Variants in MYCBP2 observed in about 807,000 individuals in gnomAD.
The protein encoded by MYCBP2 is E3 ubiquitin-protein ligase MYCBP2.
In MYCBP2, 120 loss-of-function variants were observed where a neutral mutation model predicts 525.3. That is an observed-to-expected ratio of 0.23 (90% CI 0.20 to 0.27). MYCBP2 has a LOEUF of 0.27. Ranked by LOEUF, MYCBP2 falls within the 10% of genes least tolerant of loss-of-function variation. The pLI, the probability that MYCBP2 is intolerant of heterozygous loss-of-function variation, is 1.00. For synonymous variants in MYCBP2, 1,894 were observed against 1,955.8 expected (o/e 0.97, Z 0.83); for missense variants, 4,149 against 5,657.1 (o/e 0.73, Z 8.55).
chr13:77,317,867 G>C (rs2154380498), intron 1 of MYCBP2, among the ~76,000 whole-genome samples: 1 of 152,228 alleles, frequency 6.6e-6, no homozygotes, highest in East Asian at 1.9e-4. Context: ...AACCCGGGAG[G>C]CGGAGGTTGC....
chr13:77,311,540 G>A (rs1050477283), intron 1 of MYCBP2, among the ~76,000 whole-genome samples: 3 of 151,094 alleles, frequency 2.0e-5, no homozygotes, highest in East Asian at 1.9e-4. Flanking sequence ...AGAGGTTCTC[G>A]GCAGGGAAAG....
chr13:77,231,628 C>T (rs150901012), intron 18 of MYCBP2, among the ~76,000 whole-genome samples: 5 of 152,190 alleles, frequency 3.3e-5, no homozygotes, highest in Admixed American at 2.6e-4. Context: ...TTTCATTTAA[C>T]GTTTCATTTA....
intron 49 of MYCBP2, among the ~76,000 whole-genome samples, chr13:77,142,643 A>G (rs1052838101): frequency 1.3e-5 from 2 of 152,244 alleles, no homozygotes; most frequent in African/African-American, 4.8e-5. Context: ...ACATAGTCAG[A>G]CAAGTTTCTT....
chr13:77,193,557 A>G (rs1244768726), intron 27 of MYCBP2, among the ~76,000 whole-genome samples: 2 of 152,216 alleles, frequency 1.3e-5, no homozygotes, highest in East Asian at 1.9e-4. Context: ...AACACTGATC[A>G]TAACACAATA....
intron 68 of MYCBP2, among the ~76,000 whole-genome samples, chr13:77,072,798 A>C (rs1289384127): frequency 6.6e-6 from 1 of 152,162 alleles, no homozygotes; most frequent in Non-Finnish European, 1.5e-5. Flanking sequence ...GAGTGTCAGA[A>C]CTACTAAAGC....
At chr13:77,194,967 G>T (rs2061616126) in intron 26 of MYCBP2, among the ~76,000 whole-genome samples, 1 of 151,614 alleles carries the variant, frequency 6.6e-6, no homozygotes, top group Non-Finnish European at 1.5e-5. Flanking sequence ...ATACAAAAAG[G>T]TTATGAAATT....
intron 55 of MYCBP2, among the ~76,000 whole-genome samples, chr13:77,113,029 C>T (rs1212477019): frequency 6.6e-6 from 1 of 152,128 alleles, no homozygotes; most frequent in Non-Finnish European, 1.5e-5. Context: ...TTTCATTACT[C>T]CAAACTGGCC....
At position 77,045,157 on chromosome 13, in the gene MYCBP2, G is replaced by T. The variant is rs1232635182; in HGVS notation, c.*221C>A. On this transcript the variant is annotated 3_prime_UTR_variant, in exon 83 of 83. Coordinates refer to ENST00000544440, the MANE Select transcript of MYCBP2 (RefSeq NM_015057.5). Reference sequence around the variant, plus strand: ...CCACATGCAAACACCTCACAAGTTTGATGTCATTTGTTCAAAAGAAGATAA... The same window carrying T: ...CCACATGCAAACACCTCACAAGTTTTATGTCATTTGTTCAAAAGAAGATAA... 1 of 467,504 alleles carries T rather than the reference G, an allele frequency of 2.1e-6. No homozygotes were observed. The highest frequency in any genetic ancestry group is 5.5e-4 in the Middle Eastern group (1 of 1,804). The allele number at this position is 467,504 out of a possible 1,614,324, so 29.0% of individuals were successfully genotyped here. A position where few individuals can be genotyped will look rare whatever the true frequency, so the allele number is the denominator to read the frequency against.
chr13:77,056,099 G>GGTAT (rs2037916729), intron 79 of MYCBP2, among the ~76,000 whole-genome samples: 1 of 120,522 alleles, frequency 8.3e-6, no homozygotes, highest in Non-Finnish European at 1.7e-5. Flanking sequence ...CTCTGTGTTT[G>GGTAT]GTGTGTGTGT....
At chr13:77,086,425 C>T (rs931711936) in intron 62 of MYCBP2, among the ~76,000 whole-genome samples, 1 of 152,018 alleles carries the variant, frequency 6.6e-6, no homozygotes, top group Non-Finnish European at 1.5e-5. Context: ...ATTTGTCCAC[C>T]ATGATTTGTA....
intron 54 of MYCBP2, among the ~76,000 whole-genome samples, chr13:77,123,359 T>G (rs1047972582): frequency 3.9e-5 from 6 of 152,196 alleles, no homozygotes; most frequent in Non-Finnish European, 7.4e-5. Context: ...AGAGAAAAAT[T>G]TAAACTTTTC....
Position 77,326,575 on chromosome 13 carries a change from C to A in MYCBP2, c.201G>T (p.Leu67=). 6.3e-7 allele frequency: 1 copy of A among 1,598,482 alleles called. No individual in the cohort carries two copies. The highest frequency in any genetic ancestry group is 8.5e-7 in the Non-Finnish European group (1 of 1,173,476). Residue 67 remains leucine, a synonymous_variant, in exon 1 of 83, where the codon CTG becomes CTT. Transcript: ENST00000544440. The surrounding 1 kb of genome is among the most constrained non-coding windows in gnomAD (Gnocchi z 4.2). The part of the protein sequence containing the change: ...AADSRGHYQL[L]LSGRALADRY... ...GGTCGGCCAGGGCCCGGCCTGACAG[C>A]AGCAGCTGGTAGTGACCCCGGGAGT... is the stretch of plus-strand genomic sequence containing the variant.
At chr13:77,080,190 T>C (rs1369122808) in intron 65 of MYCBP2, among the ~76,000 whole-genome samples, 2 of 152,218 alleles carry the variant, frequency 1.3e-5, no homozygotes, top group Admixed American at 6.5e-5. Context: ...AAGCCTCTTT[T>C]ACTTACTCAA....
At chr13:77,091,900 C>T (rs1594448978) in intron 59 of MYCBP2, among the ~76,000 whole-genome samples, 1 of 152,038 alleles carries the variant, frequency 6.6e-6, no homozygotes, top group South Asian at 2.1e-4. Flanking sequence ...ACTTGTCAGA[C>T]TAGCCTCAAA....
intron 54 of MYCBP2, among the ~76,000 whole-genome samples, chr13:77,122,621 C>T (rs1192571103): frequency 7.0e-6 from 1 of 142,404 alleles, no homozygotes; most frequent in Non-Finnish European, 1.5e-5. Context: ...ACCTGGGAGG[C>T]GGAGCTTGCA....
intron 78 of MYCBP2, among the ~76,000 whole-genome samples, chr13:77,057,309 G>T (rs2038294694): frequency 6.6e-6 from 1 of 152,082 alleles, no homozygotes. Flanking sequence ...TAGGCCTTTG[G>T]CTTCTCCTGC....
At chr13:77,153,636 A>G (rs1191693139) in intron 46 of MYCBP2, among the ~76,000 whole-genome samples, 3 of 152,216 alleles carry the variant, frequency 2.0e-5, no homozygotes, top group African/African-American at 7.2e-5. Context: ...AAACTGAGAC[A>G]TTATAGAATA....
At chr13:77,227,770 G>C (rs1478337516) in intron 18 of MYCBP2, among the ~76,000 whole-genome samples, 1 of 152,050 alleles carries the variant, frequency 6.6e-6, no homozygotes, top group Non-Finnish European at 1.5e-5. Flanking sequence ...CCTTGAGTAG[G>C]AGATTAAATA....
chr13:77,069,799 C>T (rs1362466911), intron 69 of MYCBP2, among the ~76,000 whole-genome samples: 6 of 150,822 alleles, frequency 4.0e-5, no homozygotes, highest in Non-Finnish European at 4.4e-5. Context: ...ACCCAGGAGG[C>T]GGAGCTTGCA....
Sources: gnomAD v4.1 joint callset for allele counts (sites outside exome capture counted in the v4.1 genomes callset) on GRCh38, gnomAD v4.1.1 for gene constraint, Gnocchi (gnomAD v3.1) non-coding constraint, MANE v1.5 for transcripts, NCBI Gene and HGNC (gene_info 2026-07-23, HGNC 2026-07-21) for gene names.